NAGLU: variants seen among roughly 807,000 people sequenced by gnomAD.
The protein encoded by NAGLU is N-acetyl-alpha-glucosaminidase.
In NAGLU, 34 loss-of-function variants were observed where a neutral mutation model predicts 43.4. The ratio of observed to expected loss-of-function variants is 0.78; its 90% CI spans 0.60 to 1.04. The LOEUF (loss-of-function observed/expected upper bound fraction) is 1.04, where lower values mean the gene tolerates loss of function less well. NAGLU is among the 50% of genes least tolerant of loss of function. NAGLU has a pLI of 0.00. For synonymous variants in NAGLU, 425 were observed against 437.6 expected (o/e 0.97, Z 0.36); for missense variants, 910 against 993.7 (o/e 0.92, Z 1.13).
chr17:42,542,937 A>T lies in NAGLU; in HGVS notation c.1022-91A>T, dbSNP rs944945811. 3.8e-6 allele frequency: 6 copies of T among 1,575,278 alleles called. No individual in the cohort carries two copies. The African/African-American group carries it at 6.7e-5, about 18-fold the overall frequency. On this transcript the variant is annotated intron_variant, in intron 5 of 5. Coordinates refer to ENST00000225927, the MANE Select transcript of NAGLU (RefSeq NM_000263.4). Reference sequence around the variant, plus strand: ...GGGTCATGGGAAGCCATGACCTGGGATAGACAGTCGTCTGTAGAGTGGGGT... The same window carrying T: ...GGGTCATGGGAAGCCATGACCTGGGTTAGACAGTCGTCTGTAGAGTGGGGT...
chr17:42,538,393 C>T lies in NAGLU; in HGVS notation c.586C>T (p.Pro196Ser), dbSNP rs2092912747. 1 of 1,614,128 alleles carries T rather than the reference C, an allele frequency of 6.2e-7. No homozygotes were observed. The change falls in exon 3 of 6, where the codon CCT becomes TCT. Residue 196 changes from proline to serine, a missense_variant. Pro to Ser is a moderately conservative substitution (Grantham distance 74). Coordinates refer to ENST00000225927, the MANE Select transcript of NAGLU (RefSeq NM_000263.4). Reference sequence around the variant, plus strand: ...AGAGATCAATGAGTTCTTTACTGGTCCTGCCTTCCTGGCCTGGGGGCGAAT... The same window carrying T: ...AGAGATCAATGAGTTCTTTACTGGTTCTGCCTTCCTGGCCTGGGGGCGAAT... ...QAEINEFFTGPAFLAWGRMGN... is the reference protein window; with the variant it reads ...QAEINEFFTGSAFLAWGRMGN...
Position 42,538,322 on chromosome 17 carries a change from G to T in NAGLU, c.532-17G>T. ...TGAAGATGAATATATTTCTATGTGTGGGCCCTTCTTCCTCAGGTGTACCTG... is the reference window on the plus strand; with the variant it reads ...TGAAGATGAATATATTTCTATGTGTTGGCCCTTCTTCCTCAGGTGTACCTG... On this transcript the variant is annotated splice_polypyrimidine_tract_variant and intron_variant, in intron 2 of 5. Coordinates refer to ENST00000225927, the MANE Select transcript of NAGLU (RefSeq NM_000263.4). The T allele has an allele frequency of 6.2e-7, 1 of 1,614,104 alleles. No homozygotes were observed. Among genetic ancestry groups the T allele is most frequent in the Non-Finnish European group, 8.5e-7 (1 of 1,179,936 alleles).
At chr17:42,537,218 G>A (rs2092908773) in intron 1 of NAGLU, 180 bp from the exon 2 acceptor site, 1 of 836,672 alleles carries the variant, frequency 1.2e-6, no homozygotes, top group Non-Finnish European at 1.9e-6. Flanking sequence ...GGGGACGAGT[G>A]CCTCAGAAGC....
rs775561029 is a variant in NAGLU, at chr17:42,541,114, G to C, written c.929G>C (p.Gly310Ala). The change falls in exon 5 of 6, where the codon GGG (glycine) becomes GCG (alanine). Residue 310 changes from glycine to alanine, a missense_variant. Gly to Ala is a moderately conservative substitution (Grantham distance 60, BLOSUM62 0). Transcript: ENST00000225927. ...GAGTTTGGCACAGACCACATCTATG[G>C]GGCCGACACTTTCAATGAGATGCAG... ...IKEFGTDHIYGADTFNEMQPP... is the reference protein window; with the variant it reads ...IKEFGTDHIYAADTFNEMQPP... 2 of 1,614,042 alleles carry C rather than the reference G, an allele frequency of 1.2e-6. No homozygotes were observed. The highest frequency in any genetic ancestry group is 1.7e-6 in the Non-Finnish European group (2 of 1,180,010).
intron 1 of NAGLU, 64 bp from the exon 2 acceptor site, chr17:42,537,334 A>G (rs1567890704): frequency 3.1e-6 from 5 of 1,610,996 alleles, no homozygotes; most frequent in Non-Finnish European, 4.2e-6. Context: ...GGGATGGGGG[A>G]TTTGTTCCAG....
intron 4 of NAGLU, among the ~76,000 whole-genome samples, chr17:42,540,230 T>A (rs2092917952): frequency 1.3e-5 from 2 of 150,356 alleles, no homozygotes. Context: ...CACCGGGGCC[T>A]TTCGCGGTGT....
In NAGLU at chr17:42,544,330, C is replaced by G. The variant is rs887471174; in HGVS notation, c.*92C>G. On this transcript the variant is annotated 3_prime_UTR_variant, in exon 6 of 6. Transcript: ENST00000225927. ...ACAGACATCACAGGATAACCCAGGCCTGGGAGGAGGCCCCACGGCCTGCTG... is the reference window on the plus strand; with the variant it reads ...ACAGACATCACAGGATAACCCAGGCGTGGGAGGAGGCCCCACGGCCTGCTG... 2.5e-6 allele frequency: 4 copies of G among 1,580,524 alleles called. No homozygotes were observed. In the East Asian group the frequency reaches 9.0e-5, roughly 35 times the overall value.
intron 2 of NAGLU, among the ~76,000 whole-genome samples, chr17:42,537,776 G>A (rs1223012529): frequency 6.6e-6 from 1 of 151,116 alleles, no homozygotes; most frequent in Non-Finnish European, 1.5e-5. Context: ...AGGAGATCGA[G>A]ACCATCCTGG....
Position 42,538,673 on chromosome 17 carries a change from C to T in NAGLU, c.682C>T (p.Arg228Trp), listed in dbSNP as rs368907396. The change falls in exon 4 of 6, where the codon CGG (arginine) becomes TGG (tryptophan). Residue 228 changes from arginine (R) to tryptophan (W), a missense_variant. By Grantham distance (101) the Arg-to-Trp change is moderately radical. Transcript: ENST00000225927. ...WHIKQLYLQHRVLDQMRSFGM... is the reference protein window; with the variant it reads ...WHIKQLYLQHWVLDQMRSFGM... ...ACCCTTCCTTCTGTTCCTCCAGCAC[C>T]GGGTCCTGGACCAGATGCGCTCCTT... 8.7e-6 allele frequency: 14 copies of T among 1,613,956 alleles called. No individual in the cohort carries two copies. The highest frequency in any genetic ancestry group is 6.7e-5 in the African/African-American group (5 of 75,042).
rs1318650686 is a variant in NAGLU at position 42,543,554 on chromosome 17, G to A, written c.1548G>A (p.Pro516=). 3.1e-6 allele frequency: 5 copies of A among 1,611,236 alleles called. No homozygotes were observed. Among genetic ancestry groups the A allele is most frequent in the South Asian group, 2.2e-5 (2 of 90,944 alleles). The change falls in exon 6 of 6, where the codon CCG becomes CCA. Residue 516 remains proline (P), a synonymous_variant. Transcript: ENST00000225927. ...CCTGCAGGGGCCACAATCGTAGCCC[G>A]CTGGTCAGGCGGCCGTCCCTACAGA... ...GEACRGHNRS[P]LVRRPSLQMN... is the part of the protein sequence containing the mutation.
chr17:42,541,323 C>G, intron 5 of NAGLU, 117 bp downstream of exon 5: 5 of 1,425,438 alleles, frequency 3.5e-6, no homozygotes, highest in South Asian at 2.4e-5. Context: ...ACACACAGTA[C>G]TTCATAGTTT....
In NAGLU at chr17:42,536,818, G is replaced by T. The variant is rs532725385; in HGVS notation, c.383+163G>T. The T allele has an allele frequency of 5.4e-6, 7 of 1,287,072 alleles. No homozygotes were observed. The East Asian group carries it at 2.2e-4, about 40-fold the overall frequency. The allele number at this position is 1,287,072 out of a possible 1,614,324, so 79.7% of individuals were successfully genotyped here. A position where few individuals can be genotyped will look rare whatever the true frequency, so the allele number is the denominator to read the frequency against. On this transcript the variant is annotated intron_variant, in intron 1 of 5. Transcript: ENST00000225927. ...TGAGCCAGCCACTCTGCCTTTCAGA[G>T]CCTCGGCTGGCCCACCTGAAAAACG...
chr17:42,538,200 C>A, intron 2 of NAGLU, 139 bp from the exon 3 acceptor site: 2 of 1,318,052 alleles, frequency 1.5e-6, no homozygotes, highest in Non-Finnish European at 2.2e-6. Context: ...GGGCTGTGGG[C>A]TCCTTGATGG....
intron 5 of NAGLU, 139 bp downstream of exon 5, chr17:42,541,345 G>C (rs2092921467): frequency 1.6e-6 from 2 of 1,288,768 alleles, no homozygotes; most frequent in Non-Finnish European, 2.2e-6. Flanking sequence ...CCAAGCACGT[G>C]TACACATGCG....
intron 4 of NAGLU, among the ~76,000 whole-genome samples, chr17:42,539,475 C>T (rs1046048892): frequency 3.3e-5 from 5 of 152,248 alleles, no homozygotes; most frequent in African/African-American, 1.2e-4. Context: ...GCTAGTGCCC[C>T]GCATGACCTC....
intron 2 of NAGLU, 95 bp from the exon 3 acceptor site, chr17:42,538,244 C>T: frequency 6.3e-7 from 1 of 1,594,322 alleles, no homozygotes; most frequent in South Asian, 1.1e-5. Flanking sequence ...AGCCCTAGCA[C>T]CCAGCACAAA....
Position 42,537,521 on chromosome 17 carries a change from C to T in NAGLU, c.507C>T (p.Ser169=), listed in dbSNP as rs1378009555. ...LNGINLALAW[S]GQEAIWQRVY... is the part of the protein sequence containing the mutation. ...GCATCAACCTGGCACTGGCCTGGAG[C>T]GGCCAGGAGGCCATCTGGCAGCGGG... The change falls in exon 2 of 6, where the codon AGC becomes AGT. Residue 169 remains serine (S), a synonymous_variant. Coordinates refer to ENST00000225927, the MANE Select transcript of NAGLU (RefSeq NM_000263.4). 6.2e-7 allele frequency: 1 copy of T among 1,614,036 alleles called. No individual in the cohort carries two copies. Among genetic ancestry groups the T allele is most frequent in the African/African-American group, 1.3e-5 (1 of 75,070 alleles).
In NAGLU at chr17:42,542,949, C is replaced by T. The variant is rs994911406; in HGVS notation, c.1022-79C>T. 15 of 1,587,640 alleles carry T rather than the reference C, an allele frequency of 9.4e-6. No individual in the cohort carries two copies. In the South Asian group the frequency reaches 1.3e-4, roughly 14 times the overall value. ...GCCATGACCTGGGATAGACAGTCGT[C>T]TGTAGAGTGGGGTGAACATTCCCTG... On this transcript the variant is annotated intron_variant, in intron 5 of 5. Coordinates refer to ENST00000225927, the MANE Select transcript of NAGLU (RefSeq NM_000263.4).
Position 42,538,276 on chromosome 17 carries a change from T to TTGAA in NAGLU, c.532-42_532-39dup, listed in dbSNP as rs368717206. On this transcript the variant is annotated intron_variant, in intron 2 of 5. Transcript: ENST00000225927. ...CAAAGAAGCAATGAGTGAATGGTTG[T>TTGAA]TGAATGAATGAATGAATGAATGAAG... 1.1e-3 allele frequency: 1,717 copies of TTGAA among 1,605,366 alleles called. 7 individuals carry two copies. Among genetic ancestry groups the TTGAA allele is most frequent in the African/African-American group, 3.1e-3 (232 of 74,714 alleles).
Sources: gnomAD v4.1 joint callset for allele counts (sites outside exome capture counted in the v4.1 genomes callset) on GRCh38, gnomAD v4.1.1 for gene constraint, MANE v1.5 for transcripts, NCBI Gene and HGNC (gene_info 2026-07-23, HGNC 2026-07-21) for gene names.